The following GABRG3 variants were observed in gnomAD, a reference collection of about 807,000 sequenced individuals.
GABRG3 encodes gamma-aminobutyric acid receptor subunit gamma-3.
In GABRG3, 25 loss-of-function variants were observed where a neutral mutation model predicts 48.8. The ratio of observed to expected loss-of-function variants is 0.51; its 90% CI spans 0.37 to 0.72. The LOEUF is 0.72. Among genes scored for constraint, GABRG3 ranks in the 30% least tolerant of loss-of-function variants. The pLI is 0.00. For missense variants in GABRG3, 394 were observed against 577.9 expected (o/e 0.68, Z 3.26); for synonymous variants, 227 against 217.6 (o/e 1.04, Z -0.38).
chr15:27,020,217 C>G (rs1895862911), intron 2 of GABRG3, among the ~76,000 whole-genome samples: 1 of 152,156 alleles, frequency 6.6e-6, no homozygotes, highest in East Asian at 1.9e-4. Flanking sequence ...GGCATGTCCC[C>G]TCACTTGACA....
intron 5 of GABRG3, among the ~76,000 whole-genome samples, chr15:27,371,298 G>A (rs936391605): frequency 2.6e-5 from 4 of 151,276 alleles, no homozygotes; most frequent in Non-Finnish European, 5.9e-5. Flanking sequence ...TTTCTGAATT[G>A]TATGTCATGT....
chr15:27,333,472 T>C (rs1893868078), intron 5 of GABRG3, among the ~76,000 whole-genome samples: 1 of 152,192 alleles, frequency 6.6e-6, no homozygotes, highest in South Asian at 2.1e-4. Context: ...GATCCCACTT[T>C]TGTTGTCATA....
chr15:27,211,130 C>A (rs1889065970), intron 3 of GABRG3, among the ~76,000 whole-genome samples: 1 of 152,162 alleles, frequency 6.6e-6, no homozygotes, highest in South Asian at 2.1e-4. Context: ...CTTGGCAGGC[C>A]AGCATCTTGA....
At chr15:27,323,422 C>T (rs553070322) in intron 3 of GABRG3, among the ~76,000 whole-genome samples, 2 of 152,218 alleles carry the variant, frequency 1.3e-5, no homozygotes, top group South Asian at 4.1e-4. Flanking sequence ...TCATCCTTCT[C>T]GTCTCGTTCC....
At chr15:27,212,391 AG>A (rs1727635717) in intron 3 of GABRG3, among the ~76,000 whole-genome samples, 1 of 152,204 alleles carries the variant, frequency 6.6e-6, no homozygotes, top group African/African-American at 2.4e-5. Context: ...TGATAGTTGA[AG>A]TCTTGGCTTT....
At chr15:27,117,814 T>A (rs1299668745) in intron 3 of GABRG3, among the ~76,000 whole-genome samples, 1 of 152,242 alleles carries the variant, frequency 6.6e-6, no homozygotes, top group Non-Finnish European at 1.5e-5. Flanking sequence ...CCTGTATATC[T>A]TTCTAAGCCC....
chr15:27,108,730 C>G (rs1379643866), intron 3 of GABRG3, among the ~76,000 whole-genome samples: 8 of 152,006 alleles, frequency 5.3e-5, no homozygotes, highest in Admixed American at 5.2e-4. Context: ...TCAGTTTTTC[C>G]TTCATTTATT....
intron 3 of GABRG3, among the ~76,000 whole-genome samples, chr15:27,213,508 T>C (rs560367674): frequency 8.5e-5 from 13 of 152,222 alleles, no homozygotes; most frequent in Non-Finnish European, 1.6e-4. Flanking sequence ...GGGGACTTCA[T>C]TGTTACATTA....
chr15:26,993,133 T>G (rs1895277534), intron 2 of GABRG3, among the ~76,000 whole-genome samples: 1 of 152,094 alleles, frequency 6.6e-6, no homozygotes, highest in Non-Finnish European at 1.5e-5. Flanking sequence ...GTTTGTCAAT[T>G]TTGTTTATCT....
intron 5 of GABRG3, among the ~76,000 whole-genome samples, chr15:27,455,407 A>G (rs538710228): frequency 7.4e-6 from 1 of 135,480 alleles, no homozygotes; most frequent in African/African-American, 2.8e-5. Flanking sequence ...TATGTGTGCT[A>G]TGTGTGTGTG....
intron 2 of GABRG3, among the ~76,000 whole-genome samples, chr15:26,984,027 C>T (rs890334618): frequency 4.6e-5 from 7 of 152,038 alleles, no homozygotes; most frequent in South Asian, 2.1e-4. Flanking sequence ...CTACAGGAAG[C>T]CCTCCCTCAT....
chr15:27,274,055 A>G lies in GABRG3; in HGVS notation c.271-52754A>G, dbSNP rs77718939. ...AGCTCCTTACCGTGTGGATCCTTCC[A>G]TAGGCTGCCTGAGCTTCCTGACAAC... On this transcript the variant is annotated intron_variant, in intron 3 of 9. Transcript: ENST00000615808. Among the ~76,000 whole-genome samples the G allele has an allele frequency of 8.1e-3, 1,234 of 152,156 alleles. 25 individuals carry two copies. The highest frequency in any genetic ancestry group is 0.028 in the African/African-American group (1,146 of 41,518).
chr15:27,034,827 C>T (rs1896147872), intron 3 of GABRG3, among the ~76,000 whole-genome samples: 1 of 152,222 alleles, frequency 6.6e-6, no homozygotes. Context: ...GCCTGCTAGT[C>T]TGTTTTTGTG....
At chr15:27,160,005 C>G (rs2073354930) in intron 3 of GABRG3, among the ~76,000 whole-genome samples, 1 of 152,144 alleles carries the variant, frequency 6.6e-6, no homozygotes, top group Non-Finnish European at 1.5e-5. Flanking sequence ...CCTCCCATTC[C>G]CACAGGGCTG....
chr15:27,068,455 G>A (rs1168553268), intron 3 of GABRG3, among the ~76,000 whole-genome samples: 4 of 152,242 alleles, frequency 2.6e-5, no homozygotes, highest in Admixed American at 6.5e-5. Context: ...GAACTGTATG[G>A]GTGGCAGCGG....
intron 3 of GABRG3, among the ~76,000 whole-genome samples, chr15:27,227,468 C>A (rs1752134461): frequency 2.0e-5 from 3 of 152,012 alleles, no homozygotes; most frequent in Admixed American, 2.0e-4. Context: ...CAGTGCACTG[C>A]AGCCTGGTCA....
intron 3 of GABRG3, among the ~76,000 whole-genome samples, chr15:27,253,742 C>T (rs948078713): frequency 2.6e-5 from 4 of 152,200 alleles, no homozygotes; most frequent in Admixed American, 6.5e-5. Context: ...CCTGGCAAGT[C>T]GGGGGCTCAG....
At chr15:27,310,571 T>G (rs1892961415) in intron 3 of GABRG3, among the ~76,000 whole-genome samples, 1 of 152,154 alleles carries the variant, frequency 6.6e-6, no homozygotes, top group African/African-American at 2.4e-5. Flanking sequence ...GCAGAGTCAA[T>G]GCAACTCCTT....
intron 3 of GABRG3, among the ~76,000 whole-genome samples, chr15:27,089,558 C>T (rs1353817026): frequency 2.0e-5 from 3 of 152,124 alleles, no homozygotes; most frequent in Non-Finnish European, 2.9e-5. Context: ...CATGTGTTTG[C>T]ACAGGACTCT....
Sources: gnomAD v4.1 joint callset for allele counts (sites outside exome capture counted in the v4.1 genomes callset) on GRCh38, gnomAD v4.1.1 for gene constraint, MANE v1.5 for transcripts, NCBI Gene and HGNC (gene_info 2026-07-23, HGNC 2026-07-21) for gene names.